The following SLCO3A1 variants were observed in gnomAD, a reference collection of about 807,000 sequenced individuals.
The protein encoded by SLCO3A1 is solute carrier organic anion transporter family member 3A1.
In SLCO3A1, 27 loss-of-function variants were observed where a neutral mutation model predicts 63.1. The ratio of observed to expected loss-of-function variants is 0.43; its 90% CI spans 0.32 to 0.59. The LOEUF is 0.59. Among genes scored for constraint, SLCO3A1 ranks in the 20% least tolerant of loss-of-function variants. The probability of loss-of-function intolerance (pLI) is 0.09; values close to 1 mark genes in which losing one functional copy is unlikely to be tolerated. For synonymous variants in SLCO3A1, 473 were observed against 409.9 expected (o/e 1.15, Z -1.86); for missense variants, 773 against 945.8 (o/e 0.82, Z 2.40).
intron 7 of SLCO3A1, among the ~76,000 whole-genome samples, chr15:92,140,409 A>G (rs1023310169): frequency 5.4e-5 from 8 of 148,914 alleles, no homozygotes; most frequent in East Asian, 2.0e-4. Context: ...TATGTGGTCA[A>G]TTTTGGAATA....
In SLCO3A1 at chr15:91,856,270, C is replaced by A. The variant is rs1896917910; in HGVS notation, c.180+2182C>A. On this transcript the variant is annotated intron_variant, in intron 1 of 9. Transcript: ENST00000318445. This position sits in a 1 kb window ranked among gnomAD's most constrained non-coding sequence, Gnocchi z 4.9. ...GTGACTTGCAGAAAGCAGCTGGAGG[C>A]CCAGGAGAGGACAGGCCTAGGAAAT... 6.6e-6 allele frequency among the ~76,000 whole-genome samples: 1 copy of A among 152,024 alleles called. No homozygotes were observed. Among genetic ancestry groups the A allele is most frequent in the Non-Finnish European group, 1.5e-5 (1 of 68,006 alleles).
chr15:92,002,131 A>T (rs2046262740), intron 2 of SLCO3A1, among the ~76,000 whole-genome samples: 1 of 152,178 alleles, frequency 6.6e-6, no homozygotes, highest in Non-Finnish European at 1.5e-5. Context: ...TAGCCCAGTG[A>T]GGATGTGAGA....
chr15:92,038,689 A>G (rs1187911406), intron 2 of SLCO3A1, among the ~76,000 whole-genome samples: 1 of 152,228 alleles, frequency 6.6e-6, no homozygotes, highest in African/African-American at 2.4e-5. Context: ...AAAGTAATTT[A>G]TAGATGCAAT....
At chr15:91,956,781 TC>T (rs549793736) in intron 2 of SLCO3A1, among the ~76,000 whole-genome samples, 1 of 144,548 alleles carries the variant, frequency 6.9e-6, no homozygotes, top group Non-Finnish European at 1.5e-5. Flanking sequence ...TGCCTTGCCT[TC>T]TTTTTTTTTT....
At chr15:92,070,706 A>G (rs962411032) in intron 2 of SLCO3A1, among the ~76,000 whole-genome samples, 9 of 151,548 alleles carry the variant, frequency 5.9e-5, no homozygotes, top group African/African-American at 1.5e-4. Flanking sequence ...TTGCTTTAAC[A>G]TAAGGATGGA....
intron 4 of SLCO3A1, among the ~76,000 whole-genome samples, chr15:92,111,850 A>C (rs902939480): frequency 6.6e-6 from 1 of 152,236 alleles, no homozygotes; most frequent in African/African-American, 2.4e-5. Context: ...GGGAAAAACA[A>C]ATCAACAGCA....
chr15:92,149,848 TA>T (rs1303236337), intron 8 of SLCO3A1: 3 of 152,208 alleles, frequency 2.0e-5, no homozygotes, highest in African/African-American at 7.2e-5. Flanking sequence ...GCTTTCTTGA[TA>T]AGGAGAATTT....
intron 2 of SLCO3A1, among the ~76,000 whole-genome samples, chr15:92,087,513 A>ATT (rs1454617874): frequency 1.9e-3 from 261 of 136,560 alleles, no homozygotes; most frequent in African/African-American, 7.2e-3. Flanking sequence ...TTTATTATCT[A>ATT]TTATTTTTTT....
At position 91,853,782 on chromosome 15, in the gene SLCO3A1, C is replaced by A; in HGVS notation, c.-127C>A. 2 of 944,630 alleles carry A rather than the reference C, an allele frequency of 2.1e-6. No individual in the cohort carries two copies. The highest frequency in any genetic ancestry group is 2.6e-6 in the Non-Finnish European group (2 of 776,686). 58.5% of individuals were successfully genotyped at this position (944,630 alleles called of 1,614,324 possible). On this transcript the variant is annotated 5_prime_UTR_variant, in exon 1 of 10. Coordinates refer to ENST00000318445, the MANE Select transcript of SLCO3A1 (RefSeq NM_013272.4). ...CCAGCCCCGGCAGGACGGGGGCGGC[C>A]GCCGCGAACCCGGGGCGGGGACAGC... is the stretch of plus-strand genomic sequence containing the variant.
chr15:92,017,381 A>C (rs2046451198), intron 2 of SLCO3A1, among the ~76,000 whole-genome samples: 1 of 152,150 alleles, frequency 6.6e-6, no homozygotes, highest in African/African-American at 2.4e-5. Context: ...TGTAAGTGAA[A>C]CCAAATTATG....
chr15:92,008,315 G>A (rs899866721), intron 2 of SLCO3A1, among the ~76,000 whole-genome samples: 61 of 152,256 alleles, frequency 4.0e-4, no homozygotes, highest in African/African-American at 1.3e-3. Flanking sequence ...ACTGGGGTTC[G>A]TATCCCCCTT....
chr15:91,892,076 C>T (rs1191060114), intron 1 of SLCO3A1, among the ~76,000 whole-genome samples: 2 of 152,210 alleles, frequency 1.3e-5, no homozygotes, highest in Non-Finnish European at 2.9e-5. Context: ...AGGCTGCCCC[C>T]TCCCCCCAGC....
chr15:92,146,253 C>T (rs1400360684), intron 7 of SLCO3A1, among the ~76,000 whole-genome samples: 1 of 152,222 alleles, frequency 6.6e-6, no homozygotes, highest in African/African-American at 2.4e-5. Context: ...GGGGAGAGGA[C>T]CCTGTCTGCA....
intron 2 of SLCO3A1, among the ~76,000 whole-genome samples, chr15:92,054,321 G>A (rs1016410665): frequency 6.6e-6 from 1 of 152,314 alleles, no homozygotes; most frequent in Admixed American, 6.5e-5. Flanking sequence ...TGCAAGTAAT[G>A]CTTATTTCCC....
rs1470438872 is a variant in SLCO3A1, at chr15:91,881,666, G to GT, written c.180+27579dup. On this transcript the variant is annotated intron_variant, in intron 1 of 9. Transcript: ENST00000318445. ...TCAGAAGCTTTTAATACCAACAGCT[G>GT]TCAGTCAGCGAGCCAGTCAGCACAT... Among the ~76,000 whole-genome samples, 4 of 152,160 alleles carry GT rather than the reference G, an allele frequency of 2.6e-5. No homozygotes were observed. In the East Asian group the frequency reaches 7.7e-4, roughly 29 times the overall value.
chr15:92,098,902 T>C (rs888938805), intron 3 of SLCO3A1, among the ~76,000 whole-genome samples: 5 of 152,206 alleles, frequency 3.3e-5, no homozygotes, highest in South Asian at 2.1e-4. Context: ...TAAATACTTA[T>C]AATAAGAAAT....
chr15:92,079,750 G>T (rs1015412739), intron 2 of SLCO3A1, among the ~76,000 whole-genome samples: 2 of 152,270 alleles, frequency 1.3e-5, no homozygotes, highest in African/African-American at 4.8e-5. Context: ...GCTTTGAGGG[G>T]TGAGTGCCTC....
intron 3 of SLCO3A1, among the ~76,000 whole-genome samples, chr15:92,101,092 C>T (rs530983309): frequency 6.6e-6 from 1 of 152,182 alleles, no homozygotes; most frequent in African/African-American, 2.4e-5. Flanking sequence ...CCTCTTCCAG[C>T]CACACAGAGA....
chr15:92,128,528 G>T (rs1414406024), intron 7 of SLCO3A1, 39 bp downstream of exon 7: 1 of 1,571,732 alleles, frequency 6.4e-7, no homozygotes, highest in Non-Finnish European at 8.6e-7. Context: ...GGGGATTCAG[G>T]CAGCTAAAGT....
Sources: gnomAD v4.1 joint callset for allele counts (sites outside exome capture counted in the v4.1 genomes callset) on GRCh38, gnomAD v4.1.1 for gene constraint, Gnocchi (gnomAD v3.1) non-coding constraint, MANE v1.5 for transcripts, NCBI Gene and HGNC (gene_info 2026-07-23, HGNC 2026-07-21) for gene names.